The following EVC variants were observed in gnomAD, a reference collection of about 807,000 sequenced individuals.
The protein encoded by EVC is evC complex member EVC.
EVC carries 116 observed loss-of-function variants against 118.9 expected under a neutral mutation model. The observed-to-expected ratio is 0.98, with a 90% CI of 0.84 to 1.14. The LOEUF is 1.14. EVC is among the 50% of genes most tolerant of loss of function. The probability of loss-of-function intolerance (pLI) is 0.00; values close to 1 mark genes in which losing one functional copy is unlikely to be tolerated. For synonymous variants in EVC, 619 were observed against 534.7 expected (o/e 1.16, Z -2.18); for missense variants, 1,401 against 1,246.4 (o/e 1.12, Z -1.87).
intron 12 of EVC, among the ~76,000 whole-genome samples, chr4:5,785,323 C>T (rs1196544016): frequency 6.6e-6 from 1 of 152,194 alleles, no homozygotes; most frequent in Non-Finnish European, 1.5e-5. Flanking sequence ...AAGCCATTAC[C>T]GCAGCCCTGA....
At chr4:5,808,132 T>TC in intron 17 of EVC, 69 bp from the exon 18 acceptor site, 20 of 464,740 alleles carry the variant, frequency 4.3e-5, no homozygotes, top group Middle Eastern at 6.3e-4. Flanking sequence ...GCCTTCCTTC[T>TC]CCCTCCCTCC....
chr4:5,810,273 G>C, intron 19 of EVC, 66 bp from the exon 20 acceptor site: 1 of 1,283,552 alleles, frequency 7.8e-7, no homozygotes. Flanking sequence ...GTTGGTGTGA[G>C]GCTGCAAGAA....
Position 5,731,686 on chromosome 4 carries a change from GCTTCCAGTCCT to G in EVC, c.617+33_617+43del. ...AGGAGAGCGGGCAATGGAGGATGAG[GCTTCCAGTCCT>G]CTTGGAGTGGGCCGGGAGTCACATC... On this transcript the variant is annotated intron_variant, in intron 4 of 20. Coordinates refer to ENST00000264956, the MANE Select transcript of EVC (RefSeq NM_153717.3). The surrounding 1 kb of genome is among the most constrained non-coding windows in gnomAD (Gnocchi z 5.6). The G allele has an allele frequency of 6.3e-7, 1 of 1,589,084 alleles. No homozygotes were observed. The highest frequency in any genetic ancestry group is 8.6e-7 in the Non-Finnish European group (1 of 1,161,104).
intron 11 of EVC, 95 bp from the exon 12 acceptor site, chr4:5,783,457 T>C (rs1443415629): frequency 8.4e-7 from 1 of 1,187,282 alleles, no homozygotes; most frequent in African/African-American, 1.5e-5. Context: ...CCTTGTGTCT[T>C]GTGGGAGGCT....
chr4:5,735,420 C>T (rs1393267046), intron 5 of EVC, among the ~76,000 whole-genome samples: 2 of 152,180 alleles, frequency 1.3e-5, no homozygotes. Flanking sequence ...TGCTTCACCT[C>T]TCTGGGCCAC....
chr4:5,735,705 C>T (rs1377028079), intron 5 of EVC, among the ~76,000 whole-genome samples: 1 of 152,194 alleles, frequency 6.6e-6, no homozygotes, highest in Non-Finnish European at 1.5e-5. Flanking sequence ...CAAAGTCACA[C>T]AGCTGGTGAT....
At chr4:5,815,426 G>C (rs1316666825), downstream of EVC, among the ~76,000 whole-genome samples, 6 of 152,190 alleles carry the variant, frequency 3.9e-5, no homozygotes, top group African/African-American at 1.2e-4. Context: ...CCACAAACCA[G>C]TGAGGTCCAG....
At position 5,752,187 on chromosome 4, in the gene EVC, G is replaced by T. The variant is rs563789210; in HGVS notation, c.1099-649G>T. Among the ~76,000 whole-genome samples, 109 of 152,174 alleles carry T rather than the reference G, an allele frequency of 7.2e-4. 2 individuals are homozygous for T. The highest frequency in any genetic ancestry group is 1.2e-3 in the Non-Finnish European group (82 of 67,986). On this transcript the variant is annotated intron_variant, in intron 8 of 20. Coordinates refer to ENST00000264956, the MANE Select transcript of EVC (RefSeq NM_153717.3). ...AGGGAGATGCCAACGTCCGCCGTCC[G>T]CTCCTCCTTTCCCCCTTACTCTCAT...
chr4:5,749,445 A>T lies in EVC; in HGVS notation c.1098+1139A>T, dbSNP rs1387360815. ...TCAAAGGGTTGGACACCCGTGGGAG[A>T]GAAATCTGCGAATCCAGCTTTGACT... is the stretch of plus-strand genomic sequence containing the variant. On this transcript the variant is annotated intron_variant, in intron 8 of 20. Transcript: ENST00000264956. This position sits in a 1 kb window ranked among gnomAD's most constrained non-coding sequence, Gnocchi z 4.4. Among the ~76,000 whole-genome samples the T allele has an allele frequency of 6.6e-6, 1 of 151,898 alleles. No individual in the cohort carries two copies. The highest frequency in any genetic ancestry group is 1.5e-5 in the Non-Finnish European group (1 of 68,010).
At chr4:5,728,689 G>A (rs1560290027) in intron 2 of EVC, among the ~76,000 whole-genome samples, 1 of 152,302 alleles carries the variant, frequency 6.6e-6, no homozygotes, top group South Asian at 2.1e-4. Flanking sequence ...TAGAAGATTT[G>A]CCCAACCACT....
chr4:5,817,189 T>C (rs1428016121), downstream of EVC, among the ~76,000 whole-genome samples: 1 of 152,218 alleles, frequency 6.6e-6, no homozygotes, highest in African/African-American at 2.4e-5. Context: ...GAGGTCCTGG[T>C]CGACATTCTT....
intron 17 of EVC, among the ~76,000 whole-genome samples, chr4:5,806,337 C>G (rs1265039825): frequency 6.6e-6 from 1 of 152,060 alleles, no homozygotes; most frequent in African/African-American, 2.4e-5. Context: ...CCGCCTTGGC[C>G]TCTCGGTGCT....
the EVC span, among the ~76,000 whole-genome samples, chr4:5,827,283 T>C: frequency 2.0e-5 from 3 of 152,278 alleles, no homozygotes; most frequent in African/African-American, 7.2e-5. Flanking sequence ...CAGCCAGGGA[T>C]TTCCATGAGT....
chr4:5,828,050 G>T, the EVC span: 1 of 985,312 alleles, frequency 1.0e-6, no homozygotes, highest in Non-Finnish European at 1.2e-6. Flanking sequence ...CTGCCTGCAA[G>T]ATGCCAGGGG....
intron 2 of EVC, among the ~76,000 whole-genome samples, chr4:5,726,815 T>C (rs1435946996): frequency 6.8e-6 from 1 of 147,916 alleles, no homozygotes; most frequent in Non-Finnish European, 1.5e-5. Flanking sequence ...AGTGAGAATA[T>C]GCGGTGTTTG....
intron 11 of EVC, among the ~76,000 whole-genome samples, chr4:5,761,902 A>AT (rs940333057): frequency 5.1e-4 from 73 of 143,850 alleles, no homozygotes; most frequent in East Asian, 1.2e-3. Flanking sequence ...GCAGCTTAGA[A>AT]TTTTTTTTTT....
the EVC span, chr4:5,821,728 T>A: frequency 7.7e-6 from 12 of 1,560,544 alleles, no homozygotes; most frequent in African/African-American, 1.6e-4. This position sits in a 1 kb window ranked among gnomAD's most constrained non-coding sequence, Gnocchi z 4.4. Context: ...ATTCCCAGAA[T>A]CCTTCAGGCT....
At chr4:5,814,648 C>T (rs998309498), downstream of EVC, among the ~76,000 whole-genome samples, 16 of 152,286 alleles carry the variant, frequency 1.1e-4, no homozygotes, top group African/African-American at 3.6e-4. Flanking sequence ...AGCAGATGCC[C>T]TTCCCCTTCA....
At chr4:5,739,350 T>C (rs1000261263) in intron 5 of EVC, among the ~76,000 whole-genome samples, 2 of 152,164 alleles carry the variant, frequency 1.3e-5, no homozygotes, top group African/African-American at 2.4e-5. Flanking sequence ...TTGGCAAATA[T>C]AATGAAGGTT....
Sources: allele counts gnomAD v4.1 joint callset (sites outside exome capture counted in the v4.1 genomes callset), GRCh38; gene constraint gnomAD v4.1.1; non-coding constraint Gnocchi (gnomAD v3.1); transcripts MANE v1.5; gene names NCBI Gene and HGNC (gene_info 2026-07-23, HGNC 2026-07-21).